Variants in TRERF1 observed in about 807,000 individuals in gnomAD.
The protein encoded by TRERF1 is transcriptional regulating factor 1.
TRERF1 carries 27 observed loss-of-function variants against 122.9 expected under a neutral mutation model. The ratio of observed to expected loss-of-function variants is 0.22; its 90% CI spans 0.16 to 0.30. The LOEUF is 0.30. TRERF1 is among the 10% of genes least tolerant of loss of function. The pLI is 1.00. For synonymous variants in TRERF1, 636 were observed against 641.7 expected, an observed-to-expected ratio of 0.99 and a Z score of 0.13; for missense variants, 1,248 against 1,560.3, an observed-to-expected ratio of 0.80 and a Z score of 3.37.
intron 2 of TRERF1, among the ~76,000 whole-genome samples, chr6:42,435,874 GGAGGCT>G (rs1785254807): frequency 6.6e-6 from 1 of 151,914 alleles, no homozygotes; most frequent in Non-Finnish European, 1.5e-5. Context: ...CAACTACTCA[GGAGGCT>G]GAGGCAGGAG....
intron 4 of TRERF1, among the ~76,000 whole-genome samples, chr6:42,284,334 G>A (rs1306525146): frequency 3.3e-5 from 5 of 149,682 alleles, no homozygotes; most frequent in African/African-American, 1.2e-4. Context: ...CCAAAGTGTT[G>A]GGATCACAGG....
At chr6:42,256,696 A>C in intron 12 of TRERF1, 32 bp downstream of exon 12, 1 of 1,590,240 alleles carries the variant, frequency 6.3e-7, no homozygotes, top group South Asian at 1.1e-5. Context: ...CTCTTCAGGA[A>C]TTTGTAAAGC....
At chr6:42,446,074 A>G (rs911210773) in intron 2 of TRERF1, among the ~76,000 whole-genome samples, 2 of 152,072 alleles carry the variant, frequency 1.3e-5, no homozygotes, top group Non-Finnish European at 2.9e-5. Context: ...GCCACCACGC[A>G]GCCTAATTTT....
At chr6:42,262,437 AG>A (rs1778188654) in intron 8 of TRERF1, among the ~76,000 whole-genome samples, 1 of 8,238 alleles carries the variant, frequency 1.2e-4, no homozygotes, top group African/African-American at 5.9e-4. Context: ...CTAGGGGCAG[AG>A]AGAGAGAGAG....
rs1782086104 is a variant in TRERF1, at chr6:42,280,351, C to T, written c.-258-10503G>A. On this transcript the variant is annotated intron_variant, in intron 4 of 17. Transcript: ENST00000372922. The stretch of plus-strand genomic sequence containing the variant: ...GCCTCCGAGGATCCGGTTCTGGCCT[C>T]CTTCTAGAAGCCCTGGGGGATGGTG... 2.0e-5 allele frequency among the ~76,000 whole-genome samples: 3 copies of T among 152,194 alleles called. No individual in the cohort carries two copies. In the South Asian group the frequency reaches 6.2e-4, roughly 32 times the overall value.
At chr6:42,260,047 C>T (rs1398862655) in intron 8 of TRERF1, among the ~76,000 whole-genome samples, 1 of 152,086 alleles carries the variant, frequency 6.6e-6, no homozygotes, top group Non-Finnish European at 1.5e-5. Context: ...TGAGTGGAAT[C>T]CAGCTGAGTG....
intron 2 of TRERF1, among the ~76,000 whole-genome samples, chr6:42,441,051 T>G (rs1268127360): frequency 6.6e-6 from 1 of 152,128 alleles, no homozygotes; most frequent in East Asian, 1.9e-4. Context: ...GACATATATT[T>G]TCAATAAATC....
intron 4 of TRERF1, among the ~76,000 whole-genome samples, chr6:42,283,669 T>C (rs1238069965): frequency 7.0e-6 from 1 of 143,372 alleles, no homozygotes; most frequent in Non-Finnish European, 1.5e-5. Context: ...TAGGCTGGAG[T>C]GCCATGGCAC....
chr6:42,319,078 G>A (rs947691611), intron 3 of TRERF1, among the ~76,000 whole-genome samples: 4 of 152,238 alleles, frequency 2.6e-5, no homozygotes, highest in African/African-American at 9.6e-5. Context: ...TGAATGAAGA[G>A]TCCTCATAGG....
chr6:42,226,575 A>G (rs1769554330), exon 18 of TRERF1: 1 of 152,218 alleles, frequency 6.6e-6, no homozygotes. Context: ...ATGTAGGAAA[A>G]CGCCAAGACC....
intron 15 of TRERF1, among the ~76,000 whole-genome samples, chr6:42,237,779 G>A (rs544368209): frequency 2.6e-5 from 4 of 152,330 alleles, no homozygotes; most frequent in South Asian, 4.1e-4. Flanking sequence ...TTTGGATTTG[G>A]GGTGTGTGTG....
intron 2 of TRERF1, among the ~76,000 whole-genome samples, chr6:42,416,070 T>C (rs1392260900): frequency 6.6e-6 from 1 of 152,196 alleles, no homozygotes; most frequent in Non-Finnish European, 1.5e-5. Flanking sequence ...CTGTTGCTTA[T>C]ACAAGTGGGA....
intron 2 of TRERF1, among the ~76,000 whole-genome samples, chr6:42,433,698 A>T (rs984576962): frequency 2.0e-5 from 3 of 152,134 alleles, no homozygotes; most frequent in Non-Finnish European, 4.4e-5. Context: ...AAGGTATCCA[A>T]ATATTGAAGT....
intron 3 of TRERF1, among the ~76,000 whole-genome samples, chr6:42,355,365 A>G (rs1770316979): frequency 6.6e-6 from 1 of 152,378 alleles, no homozygotes; most frequent in Admixed American, 6.5e-5. Context: ...ATATATGTAT[A>G]TGAAGCTATT....
At chr6:42,401,409 T>C (rs547509678) in intron 2 of TRERF1, among the ~76,000 whole-genome samples, 2 of 152,102 alleles carry the variant, frequency 1.3e-5, no homozygotes, top group African/African-American at 4.8e-5. Context: ...CTACACCAGG[T>C]ACTTTAAATA....
At chr6:42,434,489 A>G in intron 2 of TRERF1, among the ~76,000 whole-genome samples, 1 of 152,150 alleles carries the variant, frequency 6.6e-6, no homozygotes. Flanking sequence ...GCCAGAAGAC[A>G]ATGGAATGAC....
In TRERF1 at chr6:42,320,963, C is replaced by T. The variant is rs116636682; in HGVS notation, c.-370-20214G>A. 6.1e-3 allele frequency among the ~76,000 whole-genome samples: 926 copies of T among 152,128 alleles called. 12 individuals carry two copies. Among genetic ancestry groups the T allele is most frequent in the African/African-American group, 0.021 (878 of 41,464 alleles). ...CACAGGAAGCCTGAGCTCCAGCGCT[C>T]AAATATTATGAGATTCCATTAGCCT... On this transcript the variant is annotated intron_variant, in intron 3 of 17. Coordinates refer to ENST00000372922, the Ensembl canonical transcript of TRERF1.
intron 2 of TRERF1, among the ~76,000 whole-genome samples, chr6:42,436,811 AAAAATATATATATATATATAT>A (rs1325244034): frequency 1.9e-4 from 21 of 111,566 alleles, no homozygotes; most frequent in Non-Finnish European, 3.6e-5. Context: ...AAAAAAAAAA[AAAAATATATATATATATATAT>A]ATATATATAT....
intron 13 of TRERF1, among the ~76,000 whole-genome samples, chr6:42,249,343 C>CT (rs975710599): frequency 3.4e-4 from 52 of 152,204 alleles, no homozygotes; most frequent in Non-Finnish European, 6.6e-4. Flanking sequence ...AGTGGATATA[C>CT]TTTTTTCTAC....
Sources: gnomAD v4.1 joint callset for allele counts (sites outside exome capture counted in the v4.1 genomes callset) on GRCh38, gnomAD v4.1.1 for gene constraint, MANE v1.5 for transcripts, NCBI Gene and HGNC (gene_info 2026-07-23, HGNC 2026-07-21) for gene names.